The following PTPRJ variants were observed in gnomAD, a reference collection of about 807,000 sequenced individuals.
The protein encoded by PTPRJ is receptor-type tyrosine-protein phosphatase eta.
A neutral mutation model predicts 141.3 loss-of-function variants in PTPRJ; 129 were observed. That is an observed-to-expected ratio of 0.91 (90% CI 0.79 to 1.06). The LOEUF is 1.06. Among genes scored for constraint, PTPRJ ranks in the 50% least tolerant of loss-of-function variants. PTPRJ has a pLI of 0.00. For synonymous variants in PTPRJ, 610 were observed against 640.5 expected (o/e 0.95, Z 0.72); for missense variants, 1,601 against 1,679.7 (o/e 0.95, Z 0.82).
At chr11:48,144,913 G>T in intron 13 of PTPRJ, 28 bp downstream of exon 13, 5 of 1,613,782 alleles carry the variant, frequency 3.1e-6, no homozygotes, top group Non-Finnish European at 4.2e-6. Flanking sequence ...TTACTCTTTG[G>T]GGGCTGAGCC....
At chr11:48,015,639 G>C (rs1854929432) in intron 1 of PTPRJ, among the ~76,000 whole-genome samples, 1 of 152,004 alleles carries the variant, frequency 6.6e-6, no homozygotes, top group Admixed American at 6.6e-5. Context: ...CACTTTGGGA[G>C]GCTGAGGCAG....
chr11:48,137,495 A>G (rs1166437233), intron 10 of PTPRJ, among the ~76,000 whole-genome samples: 1 of 152,212 alleles, frequency 6.6e-6, no homozygotes, highest in Non-Finnish European at 1.5e-5. Flanking sequence ...ACCATATGCC[A>G]GTCAAGTCCT....
At chr11:48,143,142 A>T in intron 12 of PTPRJ, 92 bp downstream of exon 12, 1 of 1,480,352 alleles carries the variant, frequency 6.8e-7, no homozygotes, top group Admixed American at 1.9e-5. Context: ...AGTAATGCAG[A>T]CACACGCCTG....
At chr11:48,016,191 G>A (rs541620614) in intron 1 of PTPRJ, among the ~76,000 whole-genome samples, 81 of 152,326 alleles carry the variant, frequency 5.3e-4, no homozygotes, top group African/African-American at 1.9e-3. Flanking sequence ...GGGCTGTTCA[G>A]CCTCACCCAG....
intron 1 of PTPRJ, among the ~76,000 whole-genome samples, chr11:48,069,616 A>AT (rs1480390505): frequency 2.6e-5 from 4 of 150,956 alleles, no homozygotes; most frequent in East Asian, 3.9e-4. Context: ...CCCCCGGCTA[A>AT]TTTTTTTTGT....
intron 15 of PTPRJ, among the ~76,000 whole-genome samples, chr11:48,147,236 A>G (rs1367178494): frequency 1.3e-5 from 2 of 152,194 alleles, no homozygotes; most frequent in Non-Finnish European, 1.5e-5. Flanking sequence ...AGTCAGTTTC[A>G]TAGTATTATG....
chr11:47,985,531 A>G (rs1011092803), intron 1 of PTPRJ, among the ~76,000 whole-genome samples: 14 of 152,356 alleles, frequency 9.2e-5, no homozygotes, highest in African/African-American at 2.6e-4. Flanking sequence ...AAAAAAAAAG[A>G]AAAATAATTT....
At chr11:48,104,152 C>T (rs1856229369) in intron 1 of PTPRJ, among the ~76,000 whole-genome samples, 1 of 152,204 alleles carries the variant, frequency 6.6e-6, no homozygotes, top group African/African-American at 2.4e-5. Flanking sequence ...GTGCTGCCTG[C>T]TGGCCTGCTT....
intron 24 of PTPRJ, 83 bp from the exon 25 acceptor site, chr11:48,167,121 A>G (rs141878277): frequency 1.1e-5 from 15 of 1,350,838 alleles, no homozygotes; most frequent in African/African-American, 4.4e-5. Context: ...GGGCGGGGGA[A>G]TGACCTGTTT....
chr11:48,043,624 T>TC (rs1444313327), intron 1 of PTPRJ, among the ~76,000 whole-genome samples: 1 of 152,146 alleles, frequency 6.6e-6, no homozygotes, highest in Non-Finnish European at 1.5e-5. Flanking sequence ...GTTGAATAAT[T>TC]CTTTTTTTCC....
intron 1 of PTPRJ, among the ~76,000 whole-genome samples, chr11:48,019,158 C>T (rs775516315): frequency 1.5e-4 from 22 of 151,260 alleles, no homozygotes; most frequent in Non-Finnish European, 3.1e-4. Flanking sequence ...GTCTCTGTGC[C>T]CTTTTCCTGC....
At chr11:48,005,855 C>G (rs1160884923) in intron 1 of PTPRJ, among the ~76,000 whole-genome samples, 1 of 152,202 alleles carries the variant, frequency 6.6e-6, no homozygotes, top group Non-Finnish European at 1.5e-5. Flanking sequence ...GGTTATTATC[C>G]CCTTTTTGCA....
At chr11:48,087,645 G>A (rs1415514646) in intron 1 of PTPRJ, among the ~76,000 whole-genome samples, 2 of 152,108 alleles carry the variant, frequency 1.3e-5, no homozygotes, top group African/African-American at 2.4e-5. Context: ...AGCAAATCAG[G>A]GCTAGAAACC....
chr11:47,991,257 A>G (rs1854186380), intron 1 of PTPRJ, among the ~76,000 whole-genome samples: 1 of 152,148 alleles, frequency 6.6e-6, no homozygotes, highest in African/African-American at 2.4e-5. Flanking sequence ...GAAGGAGCAC[A>G]GGGATATTGA....
Position 48,125,048 on chromosome 11 carries a change from C to T in PTPRJ, c.955C>T (p.Pro319Ser), listed in dbSNP as rs1856802199. The change falls in exon 6 of 25, where the codon CCA becomes TCA. Residue 319 changes from proline (P) to serine (S), a missense_variant. Pro to Ser is a moderately conservative substitution (Grantham distance 74, BLOSUM62 -1). Coordinates refer to ENST00000418331, the MANE Select transcript of PTPRJ (RefSeq NM_002843.4). Reference sequence around the variant, plus strand: ...TGAGTCCCTCGTGGGACCTGTGGACCCATCCTCCGGCCAGCAGTCCCGAGA... The same window carrying T: ...TGAGTCCCTCGTGGGACCTGTGGACTCATCCTCCGGCCAGCAGTCCCGAGA... ...HDESLVGPVD[P>S]SSGQQSRDTE... 4 of 1,614,088 alleles carry T rather than the reference C, an allele frequency of 2.5e-6. No individual in the cohort carries two copies. The highest frequency in any genetic ancestry group is 3.4e-6 in the Non-Finnish European group (4 of 1,180,014).
chr11:48,143,782 TCCC>T (rs1857286924), intron 12 of PTPRJ, among the ~76,000 whole-genome samples: 1 of 33,128 alleles, frequency 3.0e-5, no homozygotes, highest in African/African-American at 1.2e-4. Context: ...CTCCTCCCCC[TCCC>T]CTCCTCCCCC....
chr11:48,136,255 A>C lies in PTPRJ; in HGVS notation c.1832A>C (p.Asp611Ala), dbSNP rs780808090. Residue 611 changes from aspartate to alanine, a missense_variant, in exon 9 of 25, where the codon GAC (aspartate) becomes GCC (alanine). Transcript: ENST00000418331. ...LYNITISPEVDHVWGDPNSTA... is the reference protein window; with the variant it reads ...LYNITISPEVAHVWGDPNSTA... ...AACATCACCATCTCTCCAGAAGTGGACCACGTCTGGGGGGACCCCAACTCC... is the reference window on the plus strand; with the variant it reads ...AACATCACCATCTCTCCAGAAGTGGCCCACGTCTGGGGGGACCCCAACTCC... The C allele has an allele frequency of 2.5e-6, 4 of 1,614,096 alleles. No individual in the cohort carries two copies. The African/African-American group carries it at 5.3e-5, about 22-fold the overall frequency.
chr11:48,087,908 GC>G (rs1201827856), intron 1 of PTPRJ, among the ~76,000 whole-genome samples: 1 of 152,204 alleles, frequency 6.6e-6, no homozygotes, highest in Non-Finnish European at 1.5e-5. Flanking sequence ...AGCAGCATCA[GC>G]CAGAAGGGCT....
At chr11:48,068,997 G>A (rs915525381) in intron 1 of PTPRJ, among the ~76,000 whole-genome samples, 1 of 152,164 alleles carries the variant, frequency 6.6e-6, no homozygotes, top group African/African-American at 2.4e-5. Context: ...TTCCAGGACA[G>A]CTCTGGAGAG....
Sources: allele counts gnomAD v4.1 joint callset (sites outside exome capture counted in the v4.1 genomes callset), GRCh38; gene constraint gnomAD v4.1.1; transcripts MANE v1.5; gene names NCBI Gene and HGNC (gene_info 2026-07-23, HGNC 2026-07-21).